The following ANK1 variants were observed in gnomAD, a reference collection of about 807,000 sequenced individuals.
ANK1 encodes the protein ankyrin-1.
In ANK1, 51 loss-of-function variants were observed where a neutral mutation model predicts 210.4. The observed-to-expected ratio is 0.24, with a 90% CI of 0.19 to 0.31. The LOEUF (loss-of-function observed/expected upper bound fraction) is 0.31. Among genes scored for constraint, ANK1 ranks in the 10% least tolerant of loss-of-function variants. The probability of loss-of-function intolerance (pLI) is 1.00; values close to 1 mark genes in which losing one functional copy is unlikely to be tolerated. For missense variants in ANK1, 2,051 were observed against 2,504.4 expected, an observed-to-expected ratio of 0.82 and a Z score of 3.86; for synonymous variants, 967 against 1,025.9, an observed-to-expected ratio of 0.94 and a Z score of 1.10.
chr8:41,703,966 A>G, intron 20 of ANK1, 75 bp downstream of exon 20: 2 of 1,374,394 alleles, frequency 1.5e-6, no homozygotes, highest in Admixed American at 1.7e-5. Flanking sequence ...ATTAACCTCT[A>G]CGGTTAGGGG....
At chr8:41,835,525 C>T (rs80070715) in intron 1 of ANK1, among the ~76,000 whole-genome samples, 5 of 151,786 alleles carry the variant, frequency 3.3e-5, no homozygotes, top group Admixed American at 6.6e-5. Context: ...ACCTTCGGGC[C>T]GAGGCTGCAG....
At chr8:41,660,489 G>C (rs540151331) in intron 42 of ANK1, 1 of 459,738 alleles carries the variant, frequency 2.2e-6, no homozygotes, top group Admixed American at 2.7e-5. Context: ...AGGGCCTCGG[G>C]GCAGCTCAGT....
Position 41,661,487 on chromosome 8 carries a change from G to A in ANK1, c.5622C>T (p.Ser1874=), listed in dbSNP as rs1240986387. ...RKGAQIVKRA[S]LKRGKQ is the part of the protein sequence containing the mutation. ...GGGGTCACTGTTTCCCCCTTTTCAG[G>A]CTGGCCCGCTTCACTATCTGCGCCC... is the stretch of plus-strand genomic sequence containing the variant. The change falls in exon 42 of 43, where the codon AGC becomes AGT. Residue 1874 remains serine, a synonymous_variant. Coordinates refer to ENST00000289734, the MANE Select transcript of ANK1 (RefSeq NM_000037.4). The A allele has an allele frequency of 6.2e-7, 1 of 1,614,006 alleles. No homozygotes were observed. Among genetic ancestry groups the A allele is most frequent in the Non-Finnish European group, 8.5e-7 (1 of 1,180,024 alleles).
chr8:41,893,849 T>G (rs1209563219), intron 1 of ANK1, among the ~76,000 whole-genome samples: 1 of 152,196 alleles, frequency 6.6e-6, no homozygotes, highest in Non-Finnish European at 1.5e-5. Flanking sequence ...TTTTAATACA[T>G]TTCACCTTGA....
intron 1 of ANK1, among the ~76,000 whole-genome samples, chr8:41,792,141 G>A (rs973199276): frequency 7.2e-5 from 11 of 152,200 alleles, no homozygotes; most frequent in Admixed American, 2.6e-4. Flanking sequence ...ATCAGCCTCT[G>A]CTCAGAGAGC....
At chr8:41,791,231 T>A (rs1847638442) in intron 1 of ANK1, among the ~76,000 whole-genome samples, 1 of 127,754 alleles carries the variant, frequency 7.8e-6, no homozygotes, top group Non-Finnish European at 1.6e-5. Flanking sequence ...TGAGATGGCA[T>A]CTCACTCTCA....
At chr8:41,826,077 A>G (rs1220632078) in intron 1 of ANK1, among the ~76,000 whole-genome samples, 2 of 152,156 alleles carry the variant, frequency 1.3e-5, no homozygotes, top group African/African-American at 4.8e-5. Context: ...CCTAATCCAA[A>G]GAGGCCTGAT....
intron 37 of ANK1, among the ~76,000 whole-genome samples, chr8:41,677,526 T>C (rs902138232): frequency 6.6e-6 from 1 of 152,124 alleles, no homozygotes; most frequent in African/African-American, 2.4e-5. Context: ...TCTTTAAAGA[T>C]GTGGCATACT....
At position 41,704,041 on chromosome 8, in the gene ANK1, C is replaced by T. The variant is rs1382304435; in HGVS notation, c.2295G>A (p.Ser765=). ...KNGASPNEVS[S]DGTTPLAIAK... is the part of the protein sequence containing the mutation. ...AACTCAGGAGAGAGAGTGTACTCAC[C>T]GAGCTGACCTCGTTTGGGGAAGCAC... Residue 765 remains serine, a splice_region_variant and synonymous_variant, in exon 20 of 43, where the codon TCG becomes TCA. Coordinates refer to ENST00000289734, the MANE Select transcript of ANK1 (RefSeq NM_000037.4). This position sits in a 1 kb window ranked among gnomAD's most constrained non-coding sequence, Gnocchi z 4.1. The T allele has an allele frequency of 1.1e-5, 17 of 1,613,644 alleles. No individual in the cohort carries two copies. The highest frequency in any genetic ancestry group is 3.3e-4 in the Middle Eastern group (2 of 6,084).
At chr8:41,703,450 A>ATATATATATTTTTTTTTTTTTTTT (rs59985416) in intron 20 of ANK1, among the ~76,000 whole-genome samples, 1 of 58,828 alleles carries the variant, frequency 1.7e-5, no homozygotes, top group African/African-American at 9.0e-5. Context: ...ATATATATAT[A>ATATATATATTTTTTTTTTTTTTTT]TTTTTTTTTT....
intron 2 of ANK1, among the ~76,000 whole-genome samples, chr8:41,756,993 C>T (rs1024701565): frequency 5.3e-5 from 8 of 152,102 alleles, no homozygotes; most frequent in Non-Finnish European, 8.8e-5. Flanking sequence ...TAGTAAAATT[C>T]GTAGAGACTG....
chr8:41,688,362 G>A, intron 34 of ANK1, 132 bp from the exon 35 acceptor site: 1 of 1,425,444 alleles, frequency 7.0e-7, no homozygotes, highest in South Asian at 1.2e-5. Flanking sequence ...CAAGATCAGG[G>A]GAAGACCCGA....
upstream of ANK1, among the ~76,000 whole-genome samples, chr8:41,801,583 G>A (rs1298401292): frequency 6.6e-6 from 1 of 152,140 alleles, no homozygotes; most frequent in Admixed American, 6.5e-5. Context: ...GTATGGTGTG[G>A]TGCTTTTTAT....
intron 10 of ANK1, among the ~76,000 whole-genome samples, chr8:41,719,246 G>A (rs577520362): frequency 2.1e-4 from 32 of 152,304 alleles, no homozygotes; most frequent in Middle Eastern, 3.4e-3. Flanking sequence ...CTCTGTGGAC[G>A]AAGGATGCTC....
At chr8:41,748,763 C>G (rs187355770) in intron 2 of ANK1, among the ~76,000 whole-genome samples, 1 of 152,200 alleles carries the variant, frequency 6.6e-6, no homozygotes, top group Admixed American at 6.5e-5. Context: ...AAGCCAGGCG[C>G]GGTGGCTTAC....
At chr8:41,727,160 C>A in intron 5 of ANK1, 90 bp downstream of exon 5, 1 of 999,686 alleles carries the variant, frequency 1.0e-6, no homozygotes, top group South Asian at 1.3e-5. Flanking sequence ...TGGATGCACC[C>A]CAAGCCACAT....
intron 1 of ANK1, among the ~76,000 whole-genome samples, chr8:41,819,753 CA>C (rs1473918900): frequency 5.9e-5 from 9 of 152,246 alleles, no homozygotes. Flanking sequence ...CCTCCTGACA[CA>C]AGCTGACACA....
At chr8:41,763,889 CTTTTTTTTT>C (rs869100297) in intron 1 of ANK1, among the ~76,000 whole-genome samples, 1 of 57,808 alleles carries the variant, frequency 1.7e-5, no homozygotes, top group East Asian at 5.8e-4. Context: ...TTCTTTTTTT[CTTTTTTTTT>C]TTTTTTTTTT....
In ANK1 at chr8:41,797,394, G is replaced by A; in HGVS notation, c.27+118C>T. 1.1e-6 allele frequency: 1 copy of A among 891,028 alleles called. No individual in the cohort carries two copies. The highest frequency in any genetic ancestry group is 1.5e-5 in the South Asian group (1 of 67,248). The allele number at this position is 891,028 out of a possible 1,614,324, so 55.2% of individuals were successfully genotyped here. A position where few individuals can be genotyped will look rare whatever the true frequency, so the allele number is the denominator to read the frequency against. On this transcript the variant is annotated intron_variant, in intron 1 of 42. Transcript: ENST00000289734. The surrounding 1 kb of genome is among the most constrained non-coding windows in gnomAD (Gnocchi z 4.0). ...TATGCTAAGGCAGGGAGCCCACGGG[G>A]AGGCGAGGCGGGTGGGGTGTGCAAA... is the stretch of plus-strand genomic sequence containing the variant.
Sources: gnomAD v4.1 joint callset for allele counts (sites outside exome capture counted in the v4.1 genomes callset) on GRCh38, gnomAD v4.1.1 for gene constraint, Gnocchi (gnomAD v3.1) non-coding constraint, MANE v1.5 for transcripts, NCBI Gene and HGNC (gene_info 2026-07-23, HGNC 2026-07-21) for gene names.